AHI1: variants seen among roughly 807,000 people sequenced by gnomAD.
AHI1 encodes jouberin.
Under a neutral mutation model 149.3 loss-of-function variants are expected in AHI1, and 123 were observed. The observed-to-expected ratio is 0.82, with a 90% CI of 0.71 to 0.96. The LOEUF is 0.96. Ranked by LOEUF, AHI1 falls within the 40% of genes least tolerant of loss-of-function variation. The probability of loss-of-function intolerance (pLI) is 0.00; values close to 1 mark genes in which losing one functional copy is unlikely to be tolerated. For missense variants in AHI1, 1,439 were observed against 1,422.7 expected, an observed-to-expected ratio of 1.01 and a Z score of -0.18; for synonymous variants, 475 against 459.8, an observed-to-expected ratio of 1.03 and a Z score of -0.42.
rs1583283685 is a variant in AHI1, at chr6:135,448,572, A to G, written c.1441-97T>C. On this transcript the variant is annotated intron_variant, in intron 11 of 28. Transcript: ENST00000265602. ...AGTCAGAAACATTTTTAAAAGATTA[A>G]TATGGCATGCTGAAATTTCTTAGTT... 31 of 946,798 alleles carry G rather than the reference A, an allele frequency of 3.3e-5. No homozygotes were observed. The East Asian group carries it at 8.3e-4, about 25-fold the overall frequency. 58.6% of individuals were successfully genotyped at this position (946,798 alleles called of 1,614,324 possible). A position where few individuals can be genotyped will look rare whatever the true frequency, so the allele number is the denominator to read the frequency against.
At chr6:135,407,431 A>G (rs1393893357) in intron 21 of AHI1, among the ~76,000 whole-genome samples, 1 of 152,236 alleles carries the variant, frequency 6.6e-6, no homozygotes, top group Admixed American at 6.5e-5. Flanking sequence ...TTTTATTCCC[A>G]TACATACTAT....
chr6:135,392,981 A>G (rs1778725648), intron 23 of AHI1, among the ~76,000 whole-genome samples: 1 of 152,184 alleles, frequency 6.6e-6, no homozygotes, highest in Non-Finnish European at 1.5e-5. Context: ...TGATATCTCA[A>G]TGACATTTCT....
At chr6:135,466,587 T>C (rs560152931) in intron 6 of AHI1, among the ~76,000 whole-genome samples, 1 of 152,304 alleles carries the variant, frequency 6.6e-6, no homozygotes, top group East Asian at 1.9e-4. Context: ...AACTTCAGAT[T>C]AAATGAGTTA....
chr6:135,438,135 C>T (rs1785689529), intron 15 of AHI1, among the ~76,000 whole-genome samples: 1 of 151,934 alleles, frequency 6.6e-6, no homozygotes. Context: ...ACATAATGAT[C>T]ATTTAAAGAT....
chr6:135,373,817 A>C (rs778623171), intron 23 of AHI1, among the ~76,000 whole-genome samples: 22 of 152,132 alleles, frequency 1.4e-4, no homozygotes, highest in Non-Finnish European at 2.6e-4. Context: ...AGTGGTTACA[A>C]GCTACTTGCT....
chr6:135,424,108 T>G (rs1783606196), intron 20 of AHI1, among the ~76,000 whole-genome samples: 1 of 151,412 alleles, frequency 6.6e-6, no homozygotes, highest in Non-Finnish European at 1.5e-5. Context: ...AAAACAAGGT[T>G]TGATTATTAG....
chr6:135,460,731 T>G (rs905353754), intron 8 of AHI1, among the ~76,000 whole-genome samples: 1 of 152,174 alleles, frequency 6.6e-6, no homozygotes, highest in Non-Finnish European at 1.5e-5. Context: ...GTACAAACTG[T>G]CTAATTTAAA....
chr6:135,444,642 G>A (rs767443603), intron 13 of AHI1, among the ~76,000 whole-genome samples: 1 of 152,154 alleles, frequency 6.6e-6, no homozygotes. Flanking sequence ...TTTTAGTTTC[G>A]AGATGCTTTA....
chr6:135,304,219 T>A (rs1784264265), intron 26 of AHI1, among the ~76,000 whole-genome samples: 1 of 152,036 alleles, frequency 6.6e-6, no homozygotes, highest in Non-Finnish European at 1.5e-5. Flanking sequence ...CATGTCTAAT[T>A]TTTTTGATTT....
chr6:135,433,534 C>T (rs1218350162), intron 15 of AHI1, among the ~76,000 whole-genome samples: 1 of 151,914 alleles, frequency 6.6e-6, no homozygotes, highest in African/African-American at 2.4e-5. Flanking sequence ...TTAAAACCTA[C>T]CTATTTTGCT....
intron 10 of AHI1, among the ~76,000 whole-genome samples, chr6:135,454,488 A>T (rs1788610610): frequency 6.6e-6 from 1 of 152,152 alleles, no homozygotes; most frequent in South Asian, 2.1e-4. Flanking sequence ...TGCTATTATA[A>T]ACAGTGCTGA....
At chr6:135,465,263 G>T (rs1790558253) in intron 7 of AHI1, among the ~76,000 whole-genome samples, 1 of 152,110 alleles carries the variant, frequency 6.6e-6, no homozygotes. Flanking sequence ...ATATAAATAT[G>T]TGTATGTTCA....
chr6:135,428,549 C>T (rs1784217616), intron 19 of AHI1, 80 bp downstream of exon 19: 1 of 1,389,210 alleles, frequency 7.2e-7, no homozygotes, highest in Non-Finnish European at 9.4e-7. Context: ...GAAAATTATT[C>T]CATAAAATGG....
intron 25 of AHI1, among the ~76,000 whole-genome samples, chr6:135,320,222 G>GTT (rs776421944): frequency 6.7e-6 from 1 of 149,884 alleles, no homozygotes; most frequent in Non-Finnish European, 1.5e-5. Context: ...ATTTTTCTAA[G>GTT]TTTTTTTTTT....
chr6:135,299,112 G>A (rs1490276804), intron 27 of AHI1, among the ~76,000 whole-genome samples: 1 of 151,942 alleles, frequency 6.6e-6, no homozygotes. Flanking sequence ...CCAGAGACTG[G>A]AACTAAAAAC....
intron 5 of AHI1, among the ~76,000 whole-genome samples, chr6:135,481,705 C>CTT (rs147878972): frequency 0.02 from 2,838 of 139,696 alleles, 43 homozygotes; most frequent in South Asian, 0.049. Flanking sequence ...TATTGTTGTC[C>CTT]TTTTTTTTTT....
chr6:135,490,350 T>C (rs577439132), intron 5 of AHI1: 3 of 663,388 alleles, frequency 4.5e-6, no homozygotes, highest in East Asian at 2.7e-5. Flanking sequence ...AAAAATGTTA[T>C]CATGGCTAGT....
chr6:135,390,149 C>A (rs1440063909), intron 23 of AHI1, among the ~76,000 whole-genome samples: 1 of 152,074 alleles, frequency 6.6e-6, no homozygotes, highest in African/African-American at 2.4e-5. Flanking sequence ...ATAGTAGGGA[C>A]TCTTGAGATG....
Position 135,395,683 on chromosome 6 carries a change from T to C in AHI1, c.2989-787A>G, listed in dbSNP as rs917351814. Among the ~76,000 whole-genome samples the C allele has an allele frequency of 3.9e-5, 6 of 152,050 alleles. No individual in the cohort carries two copies. The East Asian group carries it at 1.2e-3, about 29-fold the overall frequency. On this transcript the variant is annotated intron_variant, in intron 22 of 28. Coordinates refer to ENST00000265602, the MANE Select transcript of AHI1 (RefSeq NM_001134831.2). ...AAAAAAATCTATCTTTTTTTCATTATTAACAAATCAATCATTTAATCTTTT... is the reference window on the plus strand; with the variant it reads ...AAAAAAATCTATCTTTTTTTCATTACTAACAAATCAATCATTTAATCTTTT...
Sources: gnomAD v4.1 joint callset for allele counts (sites outside exome capture counted in the v4.1 genomes callset) on GRCh38, gnomAD v4.1.1 for gene constraint, MANE v1.5 for transcripts, NCBI Gene and HGNC (gene_info 2026-07-23, HGNC 2026-07-21) for gene names.